Variants in LINGO2 observed in about 807,000 individuals in gnomAD.
LINGO2 encodes leucine rich repeat and Ig domain containing 2.
A neutral mutation model predicts 30.6 loss-of-function variants in LINGO2; 14 were observed. That is an observed-to-expected ratio of 0.46 (90% confidence interval 0.30 to 0.72). The LOEUF (loss-of-function observed/expected upper bound fraction) is 0.72, where lower values mean the gene tolerates loss of function less well. Ranked by LOEUF, LINGO2 falls within the 30% of genes least tolerant of loss-of-function variation. The probability of loss-of-function intolerance (pLI) is 0.07; values close to 1 mark genes in which losing one functional copy is unlikely to be tolerated. For missense variants in LINGO2, 729 were observed against 751.7 expected, an observed-to-expected ratio of 0.97 and a Z score of 0.35; for synonymous variants, 317 against 288.5, an observed-to-expected ratio of 1.10 and a Z score of -1.00.
chr9:28,322,271 T>C (rs918058133), intron 3 of LINGO2, among the ~76,000 whole-genome samples: 1 of 151,970 alleles, frequency 6.6e-6, no homozygotes, highest in Admixed American at 6.6e-5. Flanking sequence ...ATCAGAGAGG[T>C]TTTCACTGAT....
At chr9:28,367,014 A>G (rs1010893180) in intron 3 of LINGO2, among the ~76,000 whole-genome samples, 1 of 152,092 alleles carries the variant, frequency 6.6e-6, no homozygotes, top group African/African-American at 2.4e-5. Context: ...GATTTCCCAC[A>G]TGGAATATAC....
chr9:28,895,460 C>A, the LINGO2 span, among the ~76,000 whole-genome samples: 1 of 152,240 alleles, frequency 6.6e-6, no homozygotes, highest in East Asian at 1.9e-4. Flanking sequence ...CCAGAAACTG[C>A]CTGTCCACCC....
chr9:28,617,194 CTAAT>C (rs972003245), intron 1 of LINGO2, among the ~76,000 whole-genome samples: 5 of 152,060 alleles, frequency 3.3e-5, no homozygotes, highest in African/African-American at 9.7e-5. Flanking sequence ...AAAAATAAGA[CTAAT>C]TAGTTTCATG....
At chr9:28,595,401 A>G (rs1825127622) in intron 1 of LINGO2, among the ~76,000 whole-genome samples, 1 of 152,050 alleles carries the variant, frequency 6.6e-6, no homozygotes, top group Non-Finnish European at 1.5e-5. Context: ...TAAACAAATG[A>G]CTTTATTAAG....
intron 1 of LINGO2, among the ~76,000 whole-genome samples, chr9:28,492,921 G>A (rs1013616030): frequency 1.3e-5 from 2 of 152,156 alleles, no homozygotes; most frequent in Non-Finnish European, 1.5e-5. Context: ...AGCAGTTGCA[G>A]CTCACCAGAT....
chr9:28,094,401 C>T (rs539524759), intron 4 of LINGO2, among the ~76,000 whole-genome samples: 13 of 152,070 alleles, frequency 8.5e-5, no homozygotes, highest in Admixed American at 2.6e-4. Context: ...AAAATGACTT[C>T]GGTGTATGCC....
intron 5 of LINGO2, among the ~76,000 whole-genome samples, chr9:27,964,553 A>G (rs1820005207): frequency 6.6e-6 from 1 of 152,104 alleles, no homozygotes; most frequent in South Asian, 2.1e-4. Flanking sequence ...TGGGCATACA[A>G]CTACTAAATT....
At chr9:28,861,588 A>G in the LINGO2 span, among the ~76,000 whole-genome samples, 2 of 151,074 alleles carry the variant, frequency 1.3e-5, no homozygotes, top group African/African-American at 2.4e-5. Flanking sequence ...AAAATAAAAT[A>G]AAATAAAATA....
the LINGO2 span, among the ~76,000 whole-genome samples, chr9:29,003,244 T>C: frequency 6.6e-6 from 1 of 152,064 alleles, no homozygotes; most frequent in East Asian, 1.9e-4. Context: ...ACCGAGTTTG[T>C]GGTACTTTGT....
chr9:28,108,739 G>C (rs1826674133), intron 4 of LINGO2, among the ~76,000 whole-genome samples: 1 of 152,066 alleles, frequency 6.6e-6, no homozygotes, highest in South Asian at 2.1e-4. Flanking sequence ...TACTTATTAA[G>C]TATCAGGCAC....
chr9:29,028,132 C>A, the LINGO2 span, among the ~76,000 whole-genome samples: 1 of 152,136 alleles, frequency 6.6e-6, no homozygotes, highest in Non-Finnish European at 1.5e-5. Flanking sequence ...AAAATTTCTA[C>A]ACAGAACATT....
chr9:28,106,482 G>A (rs777619497), intron 4 of LINGO2, among the ~76,000 whole-genome samples: 32 of 152,120 alleles, frequency 2.1e-4, no homozygotes, highest in Admixed American at 5.9e-4. Context: ...TGAAAAAGTC[G>A]AAGAGGAAAA....
At chr9:28,841,585 G>A in the LINGO2 span, among the ~76,000 whole-genome samples, 1 of 151,438 alleles carries the variant, frequency 6.6e-6, no homozygotes, top group Admixed American at 6.6e-5. Context: ...ATTAAATAAA[G>A]TATATAGTAT....
intron 5 of LINGO2, among the ~76,000 whole-genome samples, chr9:27,999,394 G>C (rs1473159463): frequency 1.3e-5 from 2 of 151,074 alleles, no homozygotes; most frequent in Non-Finnish European, 2.9e-5. Flanking sequence ...CTGCAGATTT[G>C]ACTTCATAAA....
the LINGO2 span, among the ~76,000 whole-genome samples, chr9:29,063,558 C>T: frequency 6.6e-6 from 1 of 151,892 alleles, no homozygotes; most frequent in Non-Finnish European, 1.5e-5. Context: ...GCCACCATGC[C>T]CGGCGAATAT....
At chr9:28,204,566 T>C (rs1820348462) in intron 4 of LINGO2, among the ~76,000 whole-genome samples, 2 of 152,174 alleles carry the variant, frequency 1.3e-5, no homozygotes. Context: ...CCTAGGCATA[T>C]CTTGTATGTG....
At chr9:28,545,958 A>C (rs1041149662) in intron 1 of LINGO2, among the ~76,000 whole-genome samples, 2 of 152,082 alleles carry the variant, frequency 1.3e-5, no homozygotes, top group Admixed American at 1.3e-4. Context: ...TTTTCTGTAG[A>C]AAATACTCAC....
intron 4 of LINGO2, among the ~76,000 whole-genome samples, chr9:28,047,850 T>C (rs2133038937): frequency 6.6e-6 from 1 of 151,124 alleles, no homozygotes; most frequent in Non-Finnish European, 1.5e-5. Flanking sequence ...AAGGTAGGTA[T>C]AATTTTTGCC....
At chr9:28,546,152 G>T (rs776271967) in intron 1 of LINGO2, among the ~76,000 whole-genome samples, 64 of 151,950 alleles carry the variant, frequency 4.2e-4, no homozygotes, top group Admixed American at 1.3e-3. Context: ...GTGTGAAAAA[G>T]AAAAAAGGCC....
Sources: gnomAD v4.1 joint callset for allele counts (sites outside exome capture counted in the v4.1 genomes callset) on GRCh38, gnomAD v4.1.1 for gene constraint, MANE v1.5 for transcripts, NCBI Gene and HGNC (gene_info 2026-07-23, HGNC 2026-07-21) for gene names.